The following ZKSCAN2 variants were observed in gnomAD, a reference collection of about 807,000 sequenced individuals.
The protein encoded by ZKSCAN2 is zinc finger protein with KRAB and SCAN domains 2.
ZKSCAN2 carries 38 observed loss-of-function variants against 90.5 expected under a neutral mutation model. The observed-to-expected ratio is 0.42, with a 90% CI of 0.32 to 0.55. The LOEUF (loss-of-function observed/expected upper bound fraction) is 0.55. Among genes scored for constraint, ZKSCAN2 ranks in the 20% least tolerant of loss-of-function variants. The pLI, the probability that ZKSCAN2 is intolerant of heterozygous loss-of-function variation, is 0.11. For missense variants in ZKSCAN2, 1,167 were observed against 1,202.6 expected (o/e 0.97, Z 0.44); for synonymous variants, 429 against 421.6 (o/e 1.02, Z -0.22).
chr16:25,243,709 T>G (rs751003268), intron 6 of ZKSCAN2, 76 bp downstream of exon 6: 87 of 1,478,208 alleles, frequency 5.9e-5, no homozygotes, highest in Non-Finnish European at 7.5e-5. Flanking sequence ...ATGAGCTATG[T>G]GCAAGATCTA....
At chr16:25,251,571 T>C (rs2141368459) in intron 4 of ZKSCAN2, among the ~76,000 whole-genome samples, 1 of 152,342 alleles carries the variant, frequency 6.6e-6, no homozygotes, top group Non-Finnish European at 1.5e-5. Context: ...CTAGCTACAT[T>C]GCTTACTTTA....
intron 5 of ZKSCAN2, 78 bp from the exon 6 acceptor site, chr16:25,244,354 G>A (rs1962901776): frequency 6.8e-7 from 1 of 1,476,562 alleles, no homozygotes; most frequent in East Asian, 2.3e-5. Flanking sequence ...ATTAAGAAAT[G>A]TAGAGGTAAA....
intron 6 of ZKSCAN2, among the ~76,000 whole-genome samples, chr16:25,243,493 T>C (rs1417321462): frequency 6.6e-6 from 1 of 152,170 alleles, no homozygotes; most frequent in Non-Finnish European, 1.5e-5. Context: ...CACACCCAGC[T>C]AATTTTTGTA....
At chr16:25,252,152 A>G (rs1329117591) in intron 3 of ZKSCAN2, 117 bp from the exon 4 acceptor site, 4 of 1,191,916 alleles carry the variant, frequency 3.4e-6, no homozygotes, top group Non-Finnish European at 4.7e-6. Context: ...GAACAAGTGG[A>G]TAGTTTGCGC....
In ZKSCAN2 at chr16:25,244,064, G is replaced by A. The variant is rs947821248; in HGVS notation, c.1702C>T (p.His568Tyr). Residue 568 changes from histidine to tyrosine, a missense_variant, in exon 6 of 7, where the codon CAC becomes TAC. By Grantham distance (83) the His-to-Tyr change is moderately conservative (BLOSUM62 2). Coordinates refer to ENST00000328086, the MANE Select transcript of ZKSCAN2 (RefSeq NM_001012981.5). ...TAGAACGCGCAGGACTCTAGCACGTGGCCATTTTTCACCTTGCGGTAACTC... is the reference window on the plus strand; with the variant it reads ...TAGAACGCGCAGGACTCTAGCACGTAGCCATTTTTCACCTTGCGGTAACTC... The part of the protein sequence containing the change: ...QKSYRKVKNG[H>Y]VLESCAFYKE... 1 of 1,614,126 alleles carries A rather than the reference G, an allele frequency of 6.2e-7. No homozygotes were observed. Among genetic ancestry groups the A allele is most frequent in the Non-Finnish European group, 8.5e-7 (1 of 1,180,036 alleles).
chr16:25,254,756 T>G lies in ZKSCAN2; in HGVS notation c.586+450A>C, dbSNP rs1963071290. ...GAGAGTTTACCACCACAGGATCTCATAGCTGGCCCAGGCAATCTAAGTTTC... is the reference window on the plus strand; with the variant it reads ...GAGAGTTTACCACCACAGGATCTCAGAGCTGGCCCAGGCAATCTAAGTTTC... On this transcript the variant is annotated intron_variant, in intron 2 of 6. Coordinates refer to ENST00000328086, the MANE Select transcript of ZKSCAN2 (RefSeq NM_001012981.5). Among the ~76,000 whole-genome samples the G allele has an allele frequency of 2.6e-5, 4 of 151,900 alleles. No homozygotes were observed. The South Asian group carries it at 8.3e-4, about 32-fold the overall frequency.
rs1182635456 is a variant in ZKSCAN2 at position 25,236,900 on chromosome 16, A to AG, written c.*2915_*2916insC. ...CTTTTCAAAAACAGGATTTGACACA[A>AG]TTTACAAGGAAATAAGATGAAATTA... is the stretch of plus-strand genomic sequence containing the variant. On this transcript the variant is annotated 3_prime_UTR_variant, in exon 7 of 7. Coordinates refer to ENST00000328086, the MANE Select transcript of ZKSCAN2 (RefSeq NM_001012981.5). 1.3e-5 allele frequency: 2 copies of AG among 152,630 alleles called. No individual in the cohort carries two copies. Among genetic ancestry groups the AG allele is most frequent in the African/African-American group, 4.8e-5 (2 of 41,464 alleles). 9.5% of individuals were successfully genotyped at this position (152,630 alleles called of 1,614,324 possible). A position where few individuals can be genotyped will look rare whatever the true frequency, so the allele number is the denominator to read the frequency against.
intron 4 of ZKSCAN2, among the ~76,000 whole-genome samples, chr16:25,249,359 G>A (rs1471170001): frequency 1.3e-5 from 2 of 152,074 alleles, no homozygotes; most frequent in African/African-American, 2.4e-5. Context: ...GCACGATCTC[G>A]ACTTGCCTCT....
rs779746957 is a variant in ZKSCAN2, at chr16:25,252,958, A to C, written c.666T>G (p.Pro222=). The change falls in exon 3 of 7, where the codon CCT becomes CCG. Residue 222 remains proline, a synonymous_variant. Coordinates refer to ENST00000328086, the MANE Select transcript of ZKSCAN2 (RefSeq NM_001012981.5). ...LDQEVTTTRL[P]AGSQEPVKDV... ...AATTACAATGTACCTGGGACCCAGC[A>C]GGAAGCCGTGTGGTTGTCACTTCCT... 1 of 1,613,786 alleles carries C rather than the reference A, an allele frequency of 6.2e-7. No individual in the cohort carries two copies. Among genetic ancestry groups the C allele is most frequent in the Admixed American group, 1.7e-5 (1 of 60,004 alleles).
chr16:25,243,485 C>T (rs1962883981), intron 6 of ZKSCAN2, among the ~76,000 whole-genome samples: 1 of 152,184 alleles, frequency 6.6e-6, no homozygotes, highest in South Asian at 2.1e-4. Context: ...CCCGCCACCA[C>T]ACCCAGCTAA....
At position 25,238,000 on chromosome 16, in the gene ZKSCAN2, A is replaced by G. The variant is rs988866078; in HGVS notation, c.*1816T>C. 6.6e-6 allele frequency: 1 copy of G among 152,248 alleles called. No individual in the cohort carries two copies. The highest frequency in any genetic ancestry group is 1.9e-4 in the East Asian group (1 of 5,204). The allele number at this position is 152,248 out of a possible 1,614,324, so 9.4% of individuals were successfully genotyped here. On this transcript the variant is annotated 3_prime_UTR_variant, in exon 7 of 7. Coordinates refer to ENST00000328086, the MANE Select transcript of ZKSCAN2 (RefSeq NM_001012981.5). ...AGAAAAATCAACCTATTGAGATGTGAACAGTCATAATATTTCCAACAAATG... is the reference window on the plus strand; with the variant it reads ...AGAAAAATCAACCTATTGAGATGTGGACAGTCATAATATTTCCAACAAATG...
At position 25,238,404 on chromosome 16, in the gene ZKSCAN2, C is replaced by T. The variant is rs1319784335; in HGVS notation, c.*1412G>A. 2 of 152,262 alleles carry T rather than the reference C, an allele frequency of 1.3e-5. No individual in the cohort carries two copies. Among genetic ancestry groups the T allele is most frequent in the Non-Finnish European group, 2.9e-5 (2 of 68,066 alleles). 9.4% of individuals were successfully genotyped at this position (152,262 alleles called of 1,614,324 possible). ...CAACTGGCCATGGAAAATCAAATCT[C>T]TGGGTTTCATCTGTAACTTCAAAAG... On this transcript the variant is annotated 3_prime_UTR_variant, in exon 7 of 7. Coordinates refer to ENST00000328086, the MANE Select transcript of ZKSCAN2 (RefSeq NM_001012981.5).
Position 25,240,598 on chromosome 16 carries a change from A to C in ZKSCAN2, c.2122T>G (p.Cys708Gly). The C allele has an allele frequency of 1.2e-6, 2 of 1,614,148 alleles. No homozygotes were observed. The highest frequency in any genetic ancestry group is 1.7e-6 in the Non-Finnish European group (2 of 1,180,030). ...TDPSKYRKRE[C>G]ISGRQWENLQ... The stretch of plus-strand genomic sequence containing the variant: ...TTTTCCCATTGTCTTCCTGAGATGC[A>C]TTCCCTTTTGCGATATTTGCTGGGG... The change falls in exon 7 of 7, where the codon TGC becomes GGC. Residue 708 changes from cysteine (C) to glycine (G), a missense_variant. By Grantham distance (159) the Cys-to-Gly change is radical. Coordinates refer to ENST00000328086, the MANE Select transcript of ZKSCAN2 (RefSeq NM_001012981.5).
chr16:25,247,312 G>A lies in ZKSCAN2; in HGVS notation c.884C>T (p.Ser295Phe), dbSNP rs144813841. The A allele has an allele frequency of 6.4e-4, 1,040 of 1,613,998 alleles. No homozygotes were observed. The highest frequency in any genetic ancestry group is 8.2e-4 in the Admixed American group (49 of 60,020). Residue 295 changes from serine to phenylalanine, a missense_variant, in exon 5 of 7, where the codon TCT becomes TTT. Transcript: ENST00000328086. ...GCTTCGTAGGATACTTCTCTTGTTA[G>A]AGGAATGCAGACCTAGAGTCCATGG... ...KEPWTLGLHSSNKRSILRSNY... is the reference protein window; with the variant it reads ...KEPWTLGLHSFNKRSILRSNY...
Position 25,255,387 on chromosome 16 carries a change from G to T in ZKSCAN2, c.405C>A (p.Ser135Arg), listed in dbSNP as rs1277399876. The change falls in exon 2 of 7, where the codon AGC becomes AGA. Residue 135 changes from serine (S) to arginine (R), a missense_variant. Coordinates refer to ENST00000328086, the MANE Select transcript of ZKSCAN2 (RefSeq NM_001012981.5). ...AGTGCTTCTCCCGGTGCACGGGACT[G>T]CTGACCTGAGAAATGAAGTCAATAC... ...KETGRLRQQV[S>R]SPVHREKHSP... is the part of the protein sequence containing the mutation. 2.5e-6 allele frequency: 4 copies of T among 1,609,828 alleles called. No homozygotes were observed. Among genetic ancestry groups the T allele is most frequent in the Non-Finnish European group, 3.4e-6 (4 of 1,179,644 alleles).
In ZKSCAN2 at chr16:25,253,084, T is replaced by C. The variant is rs199769296; in HGVS notation, c.587-47A>G. ...ATTAGTAATCTGGGCTTTGACCCTT[T>C]AATTCATGCTGTCTCTCTTTTTAAG... is the stretch of plus-strand genomic sequence containing the variant. On this transcript the variant is annotated intron_variant, in intron 2 of 6. Transcript: ENST00000328086. The C allele has an allele frequency of 9.4e-6, 13 of 1,383,990 alleles. No individual in the cohort carries two copies. The African/African-American group carries it at 1.8e-4, about 20-fold the overall frequency. The allele number at this position is 1,383,990 out of a possible 1,614,324, so 85.7% of individuals were successfully genotyped here.
Position 25,243,759 on chromosome 16 carries a change from T to TAAAACTCCTTGGTTTTGCACG in ZKSCAN2, c.1981+25_1981+26insCGTGCAAAACCAAGGAGTTTT, listed in dbSNP as rs1555489482. 3,673 of 1,558,670 alleles carry TAAAACTCCTTGGTTTTGCACG rather than the reference T, an allele frequency of 2.4e-3. 13 individuals are homozygous for TAAAACTCCTTGGTTTTGCACG. Among genetic ancestry groups the TAAAACTCCTTGGTTTTGCACG allele is most frequent in the Non-Finnish European group, 2.7e-3 (3,162 of 1,156,148 alleles). On this transcript the variant is annotated intron_variant, in intron 6 of 6. Coordinates refer to ENST00000328086, the MANE Select transcript of ZKSCAN2 (RefSeq NM_001012981.5). ...AATCACACTTATTCCTCTTTTGGAC[T>TAAAACTCCTTGGTTTTGCACG]AAAACTCCTTGGTTTTGCACCTTAC...
At position 25,253,164 on chromosome 16, in the gene ZKSCAN2, G is replaced by A. The variant is rs148679982; in HGVS notation, c.587-127C>T. 2.2e-4 allele frequency: 166 copies of A among 766,402 alleles called. 1 individual carries two copies. In the African/African-American group the frequency reaches 2.5e-3, roughly 12 times the overall value. The allele number at this position is 766,402 out of a possible 1,614,324, so 47.5% of individuals were successfully genotyped here. A position where few individuals can be genotyped will look rare whatever the true frequency, so the allele number is the denominator to read the frequency against. On this transcript the variant is annotated intron_variant, in intron 2 of 6. Transcript: ENST00000328086. ...TATAAATTCACCATTTTATCTGTGAGTTCAGAACAATCCCCAAAAACACAG... is the reference window on the plus strand; with the variant it reads ...TATAAATTCACCATTTTATCTGTGAATTCAGAACAATCCCCAAAAACACAG...
intron 5 of ZKSCAN2, 92 bp downstream of exon 5, chr16:25,246,615 C>T: frequency 7.5e-7 from 1 of 1,340,378 alleles, no homozygotes; most frequent in Non-Finnish European, 1.1e-6. Flanking sequence ...TGTGTGACAG[C>T]ACCCCCCGGG....
Sources: gnomAD v4.1 joint callset for allele counts (sites outside exome capture counted in the v4.1 genomes callset) on GRCh38, gnomAD v4.1.1 for gene constraint, MANE v1.5 for transcripts, NCBI Gene and HGNC (gene_info 2026-07-23, HGNC 2026-07-21) for gene names.